Variants in DOK6 observed in about 807,000 individuals in gnomAD.
The protein encoded by DOK6 is docking protein 6.
DOK6 carries 22 observed loss-of-function variants against 44.0 expected under a neutral mutation model. That is an observed-to-expected ratio of 0.50 (90% CI 0.36 to 0.71). The LOEUF (loss-of-function observed/expected upper bound fraction) is 0.71, where lower values mean the gene tolerates loss of function less well. Ranked by LOEUF, DOK6 falls within the 30% of genes least tolerant of loss-of-function variation. DOK6 has a pLI of 0.00. For missense variants in DOK6, 340 were observed against 416.4 expected (o/e 0.82, Z 1.60); for synonymous variants, 166 against 145.5 (o/e 1.14, Z -1.01).
intron 6 of DOK6, among the ~76,000 whole-genome samples, chr18:69,752,283 T>C (rs1345146767): frequency 6.6e-6 from 1 of 152,144 alleles, no homozygotes; most frequent in Non-Finnish European, 1.5e-5. Context: ...AATTTGATGG[T>C]TTTGTATTAA....
At chr18:69,683,990 C>T (rs992609489) in intron 4 of DOK6, among the ~76,000 whole-genome samples, 1 of 152,090 alleles carries the variant, frequency 6.6e-6, no homozygotes, top group African/African-American at 2.4e-5. Context: ...ATATAATCAG[C>T]AAAGGTTATT....
chr18:69,462,067 A>G (rs1050209595), intron 1 of DOK6, among the ~76,000 whole-genome samples: 1 of 152,194 alleles, frequency 6.6e-6, no homozygotes, highest in Non-Finnish European at 1.5e-5. Flanking sequence ...GTTAGTTGCT[A>G]ATAATTTTTC....
At chr18:69,497,490 G>T (rs1381500092) in intron 1 of DOK6, among the ~76,000 whole-genome samples, 5 of 152,154 alleles carry the variant, frequency 3.3e-5, no homozygotes, top group Non-Finnish European at 7.3e-5. Context: ...GGGTATAGGG[G>T]CTGACTTGGT....
chr18:69,705,135 G>A (rs773378801), intron 5 of DOK6: 1 of 152,114 alleles, frequency 6.6e-6, no homozygotes, highest in East Asian at 1.9e-4. Flanking sequence ...GTCCATATTC[G>A]AACTGGACGT....
At chr18:69,837,047 A>C (rs1173154373) in intron 7 of DOK6, among the ~76,000 whole-genome samples, 2 of 152,176 alleles carry the variant, frequency 1.3e-5, no homozygotes, top group Non-Finnish European at 2.9e-5. Context: ...TTTAATTTCT[A>C]ATTAGACTAG....
At chr18:69,401,680 A>T (rs1406058948) in intron 1 of DOK6, among the ~76,000 whole-genome samples, 1 of 152,106 alleles carries the variant, frequency 6.6e-6, no homozygotes, top group Non-Finnish European at 1.5e-5. Flanking sequence ...TTTCGGGTGG[A>T]ACTGCTGTGT....
At chr18:69,479,814 T>C (rs1980369291) in intron 1 of DOK6, among the ~76,000 whole-genome samples, 1 of 152,200 alleles carries the variant, frequency 6.6e-6, no homozygotes, top group Non-Finnish European at 1.5e-5. Flanking sequence ...TAGAATTTTA[T>C]AAAGGGCTTT....
chr18:69,451,079 A>G (rs1979450166), intron 1 of DOK6, among the ~76,000 whole-genome samples: 1 of 148,286 alleles, frequency 6.7e-6, no homozygotes, highest in Non-Finnish European at 1.5e-5. Flanking sequence ...TTAAATGTAA[A>G]TGGACTAAAT....
intron 6 of DOK6, among the ~76,000 whole-genome samples, chr18:69,755,873 A>C (rs1388247836): frequency 6.6e-6 from 1 of 152,216 alleles, no homozygotes; most frequent in East Asian, 1.9e-4. Context: ...GAATTTATTA[A>C]GCAAAAGGGG....
chr18:69,764,286 G>A (rs1241891022), intron 7 of DOK6, among the ~76,000 whole-genome samples: 1 of 152,154 alleles, frequency 6.6e-6, no homozygotes, highest in Non-Finnish European at 1.5e-5. Context: ...TGCCCAATGA[G>A]CAGGTTTATG....
At chr18:69,431,558 A>G (rs1599127827) in intron 1 of DOK6, among the ~76,000 whole-genome samples, 1 of 152,302 alleles carries the variant, frequency 6.6e-6, no homozygotes, top group Non-Finnish European at 1.5e-5. Context: ...TTTGGGAGAA[A>G]GGGTGACTCC....
intron 1 of DOK6, among the ~76,000 whole-genome samples, chr18:69,550,620 T>G (rs2144588092): frequency 6.6e-6 from 1 of 152,190 alleles, no homozygotes; most frequent in Admixed American, 6.5e-5. Flanking sequence ...GAAAGCTTCT[T>G]GAGAAAAATA....
At chr18:69,469,033 A>G (rs975955590) in intron 1 of DOK6, among the ~76,000 whole-genome samples, 1 of 152,210 alleles carries the variant, frequency 6.6e-6, no homozygotes, top group South Asian at 2.1e-4. Flanking sequence ...CTGATAGGTC[A>G]GGGGAGAGGA....
In DOK6 at chr18:69,846,888, A is replaced by G. The variant is rs901130997; in HGVS notation, c.*5505A>G. 6.6e-6 allele frequency: 1 copy of G among 152,138 alleles called. No homozygotes were observed. The highest frequency in any genetic ancestry group is 6.6e-5 in the Admixed American group (1 of 15,264). 9.4% of individuals were successfully genotyped at this position (152,138 alleles called of 1,614,324 possible). On this transcript the variant is annotated 3_prime_UTR_variant, in exon 8 of 8. Coordinates refer to ENST00000382713, the MANE Select transcript of DOK6 (RefSeq NM_152721.6). ...GGAAATGACTTTTTTACATTATAAT[A>G]CCTTATATATTAGGTTTTTCCTGAT... is the stretch of plus-strand genomic sequence containing the variant.
intron 1 of DOK6, among the ~76,000 whole-genome samples, chr18:69,536,874 C>G (rs1982135853): frequency 6.6e-6 from 1 of 151,630 alleles, no homozygotes; most frequent in African/African-American, 2.4e-5. Flanking sequence ...TGGTTAGTGA[C>G]TGAAAGAACA....
intron 5 of DOK6, among the ~76,000 whole-genome samples, chr18:69,729,741 G>A (rs917874785): frequency 1.3e-5 from 2 of 151,936 alleles, no homozygotes; most frequent in Admixed American, 1.3e-4. Flanking sequence ...TACCAAATCT[G>A]GATATATGCC....
intron 1 of DOK6, among the ~76,000 whole-genome samples, chr18:69,524,018 T>C (rs1333490474): frequency 1.3e-5 from 2 of 152,032 alleles, no homozygotes; most frequent in Admixed American, 6.6e-5. Flanking sequence ...AGCAATTGGA[T>C]AGTGAAGAGT....
chr18:69,599,644 A>T (rs181252291), intron 3 of DOK6, 146 bp downstream of exon 3: 1 of 633,242 alleles, frequency 1.6e-6, no homozygotes, highest in East Asian at 2.8e-5. Context: ...AGCTCAACGT[A>T]TTGATTTCTA....
intron 1 of DOK6, among the ~76,000 whole-genome samples, chr18:69,479,115 A>G (rs1271096144): frequency 6.6e-6 from 1 of 152,162 alleles, no homozygotes; most frequent in East Asian, 1.9e-4. Context: ...AGATAAATGC[A>G]TGTTGCCTGT....
Sources: allele counts gnomAD v4.1 joint callset (sites outside exome capture counted in the v4.1 genomes callset), GRCh38; gene constraint gnomAD v4.1.1; transcripts MANE v1.5; gene names NCBI Gene and HGNC (gene_info 2026-07-23, HGNC 2026-07-21).